The following ZNF704 variants were observed in gnomAD, a reference collection of about 807,000 sequenced individuals.
ZNF704 encodes zinc finger protein 704, also known as glucocorticoid induced gene 1.
A neutral mutation model predicts 44.7 loss-of-function variants in ZNF704; 10 were observed. The ratio of observed to expected loss-of-function variants is 0.22; its 90% CI spans 0.14 to 0.38. The LOEUF (loss-of-function observed/expected upper bound fraction) is 0.38, where lower values mean the gene tolerates loss of function less well. Among genes scored for constraint, ZNF704 ranks in the 10% least tolerant of loss-of-function variants. The pLI is 1.00. For missense variants in ZNF704, 390 were observed against 545.5 expected (o/e 0.71, Z 2.84); for synonymous variants, 211 against 207.6 (o/e 1.02, Z -0.14).
chr8:80,821,649 T>A (rs1320250339), intron 1 of ZNF704, 34 bp from the exon 2 acceptor site: 3 of 1,543,614 alleles, frequency 1.9e-6, no homozygotes, highest in Non-Finnish European at 2.7e-6. Flanking sequence ...CTTACTCACA[T>A]AAAACATCAC....
intron 2 of ZNF704, among the ~76,000 whole-genome samples, chr8:80,751,520 G>T (rs1237385437): frequency 6.6e-6 from 1 of 152,168 alleles, no homozygotes; most frequent in Non-Finnish European, 1.5e-5. Flanking sequence ...TTTTCCAAAT[G>T]TACATGGAAG....
At chr8:80,793,896 T>C (rs1369300013) in intron 2 of ZNF704, among the ~76,000 whole-genome samples, 1 of 152,112 alleles carries the variant, frequency 6.6e-6, no homozygotes, top group East Asian at 1.9e-4. Flanking sequence ...GGCCACCTTC[T>C]CATTAGTGGA....
intron 4 of ZNF704, among the ~76,000 whole-genome samples, chr8:80,671,020 T>A (rs540605473): frequency 6.6e-6 from 1 of 152,224 alleles, no homozygotes; most frequent in African/African-American, 2.4e-5. Flanking sequence ...GTCCAGTCAA[T>A]GAACCAGCTA....
chr8:80,767,121 T>C (rs1807240938), intron 2 of ZNF704, among the ~76,000 whole-genome samples: 1 of 152,052 alleles, frequency 6.6e-6, no homozygotes, highest in African/African-American at 2.4e-5. Flanking sequence ...CTACACCCAT[T>C]CCAGTGAGTG....
At position 80,655,193 on chromosome 8, in the gene ZNF704, G is replaced by C. The variant is rs139950116; in HGVS notation, c.1032+4392C>G. On this transcript the variant is annotated intron_variant, in intron 7 of 8. Coordinates refer to ENST00000327835, the MANE Select transcript of ZNF704 (RefSeq NM_001033723.3). ...ACATCACACACCAGGGCCTGTTGTG[G>C]GGGGCGGGGGAGGGATAGCATTAGG... is the stretch of plus-strand genomic sequence containing the variant. Among the ~76,000 whole-genome samples the C allele has an allele frequency of 8.9e-3, 1,358 of 152,080 alleles. 23 individuals are homozygous for C. The highest frequency in any genetic ancestry group is 0.031 in the African/African-American group (1,271 of 41,450).
At chr8:80,814,744 AC>A (rs1252762253) in intron 2 of ZNF704, among the ~76,000 whole-genome samples, 2 of 152,104 alleles carry the variant, frequency 1.3e-5, no homozygotes, top group African/African-American at 4.8e-5. Context: ...TGGTAAAGTG[AC>A]CTTTTTTCTT....
At position 80,800,227 on chromosome 8, in the gene ZNF704, C is replaced by T. The variant is rs1807876124; in HGVS notation, c.221+21147G>A. The stretch of plus-strand genomic sequence containing the variant: ...TCTGAAAGAGATGGGGAGAATGGAA[C>T]CAAGTTGGAAAACATACTTCAGGAT... On this transcript the variant is annotated intron_variant, in intron 2 of 8. Coordinates refer to ENST00000327835, the MANE Select transcript of ZNF704 (RefSeq NM_001033723.3). Among the ~76,000 whole-genome samples, 3 of 152,124 alleles carry T rather than the reference C, an allele frequency of 2.0e-5. No homozygotes were observed. In the South Asian group the frequency reaches 6.2e-4, roughly 31 times the overall value.
chr8:80,816,628 G>T (rs567416306), intron 2 of ZNF704, among the ~76,000 whole-genome samples: 4 of 152,132 alleles, frequency 2.6e-5, no homozygotes, highest in African/African-American at 9.7e-5. Flanking sequence ...AATTAGCATC[G>T]ACACTTTTAG....
chr8:80,799,941 A>T (rs1202452865), intron 2 of ZNF704, among the ~76,000 whole-genome samples: 1 of 152,126 alleles, frequency 6.6e-6, no homozygotes, highest in Non-Finnish European at 1.5e-5. Context: ...ACAGGAGCTG[A>T]TAGCCAGAAT....
At chr8:80,749,263 GC>G (rs139222674) in intron 2 of ZNF704, among the ~76,000 whole-genome samples, 9,372 of 152,204 alleles carry the variant, frequency 0.062, 322 homozygotes, top group Middle Eastern at 0.13. Context: ...TCCTGCCTCA[GC>G]CTCCCAAAGT....
chr8:80,876,645 T>C (rs1249857717), upstream of ZNF704, among the ~76,000 whole-genome samples: 1 of 152,220 alleles, frequency 6.6e-6, no homozygotes, highest in African/African-American at 2.4e-5. Context: ...TCTGTGCCTG[T>C]TTCCTCATCT....
chr8:80,719,138 T>A (rs901341150), intron 2 of ZNF704, among the ~76,000 whole-genome samples: 6 of 152,052 alleles, frequency 3.9e-5, no homozygotes, highest in African/African-American at 7.2e-5. Flanking sequence ...GCTAATTTTT[T>A]AAATTTTTTA....
chr8:80,785,593 A>G (rs1254609363), intron 2 of ZNF704, among the ~76,000 whole-genome samples: 1 of 152,178 alleles, frequency 6.6e-6, no homozygotes, highest in Non-Finnish European at 1.5e-5. Context: ...TAACCATCCA[A>G]TACTACTTTA....
intron 2 of ZNF704, among the ~76,000 whole-genome samples, chr8:80,770,595 A>G (rs1438862947): frequency 6.6e-6 from 1 of 152,174 alleles, no homozygotes. Context: ...TATATTCTAG[A>G]TACTAGTCCT....
intron 3 of ZNF704, among the ~76,000 whole-genome samples, chr8:80,689,035 C>T (rs1017367098): frequency 5.3e-5 from 8 of 151,210 alleles, no homozygotes; most frequent in Non-Finnish European, 4.4e-5. Flanking sequence ...TCAAGATGCA[C>T]GACCTTAATT....
At chr8:80,780,781 C>T (rs925506857) in intron 2 of ZNF704, among the ~76,000 whole-genome samples, 6 of 152,046 alleles carry the variant, frequency 3.9e-5, no homozygotes, top group African/African-American at 1.4e-4. Context: ...GGGTTCTTTC[C>T]CTAGACCCCC....
At chr8:80,786,516 T>G (rs1490533064) in intron 2 of ZNF704, among the ~76,000 whole-genome samples, 1 of 152,148 alleles carries the variant, frequency 6.6e-6, no homozygotes, top group East Asian at 1.9e-4. Context: ...TATTCAAATA[T>G]TTGAGTGACT....
intron 4 of ZNF704, among the ~76,000 whole-genome samples, chr8:80,684,823 G>A (rs913014744): frequency 2.0e-5 from 3 of 152,096 alleles, no homozygotes; most frequent in African/African-American, 7.2e-5. Flanking sequence ...TGCCTGATAC[G>A]TGCTCAATAA....
chr8:80,864,842 T>C (rs1452174767), intron 1 of ZNF704, among the ~76,000 whole-genome samples: 1 of 152,210 alleles, frequency 6.6e-6, no homozygotes, highest in South Asian at 2.1e-4. Context: ...AAGAAATATA[T>C]TCAATGTGTG....
Sources: gnomAD v4.1 joint callset for allele counts (sites outside exome capture counted in the v4.1 genomes callset) on GRCh38, gnomAD v4.1.1 for gene constraint, MANE v1.5 for transcripts, NCBI Gene and HGNC (gene_info 2026-07-23, HGNC 2026-07-21) for gene names.